The following CACNA1A variants were observed in gnomAD, a reference collection of about 807,000 sequenced individuals.
The protein encoded by CACNA1A is voltage-dependent P/Q-type calcium channel subunit alpha-1A.
CACNA1A carries 57 observed loss-of-function variants against 262.4 expected under a neutral mutation model. That is an observed-to-expected ratio of 0.22 (90% CI 0.18 to 0.27). The LOEUF is 0.27. CACNA1A is among the 10% of genes least tolerant of loss of function. The probability of loss-of-function intolerance (pLI) is 1.00; values close to 1 mark genes in which losing one functional copy is unlikely to be tolerated. For synonymous variants in CACNA1A, 1,431 were observed against 1,419.3 expected (o/e 1.01, Z -0.18); for missense variants, 2,526 against 3,562.8 (o/e 0.71, Z 7.41).
At chr19:13,355,785 T>C (rs2058997989) in intron 6 of CACNA1A, among the ~76,000 whole-genome samples, 1 of 152,122 alleles carries the variant, frequency 6.6e-6, no homozygotes, top group Admixed American at 6.5e-5. Flanking sequence ...CTTACTGACA[T>C]TTGGGCCTGG....
chr19:13,395,702 C>G (rs1298632537), intron 3 of CACNA1A, among the ~76,000 whole-genome samples: 1 of 152,154 alleles, frequency 6.6e-6, no homozygotes, highest in East Asian at 1.9e-4. Flanking sequence ...GGTCCTGCCC[C>G]ATACCCAGAA....
At chr19:13,335,217 T>C (rs2058542890) in intron 7 of CACNA1A, among the ~76,000 whole-genome samples, 1 of 152,198 alleles carries the variant, frequency 6.6e-6, no homozygotes, top group South Asian at 2.1e-4. Context: ...TTCTCTGCCA[T>C]AGGTCCCACC....
rs184061450 is a variant in CACNA1A, at chr19:13,393,190, G to A, written c.540-21411C>T. Among the ~76,000 whole-genome samples the A allele has an allele frequency of 4.1e-4, 62 of 152,300 alleles. 2 individuals are homozygous for A. The East Asian group carries it at 6.6e-3, about 16-fold the overall frequency. ...GTCACCCACAGACATATCTGAGTGT[G>A]TTCAAAGTAGCTTTCTCTGGAATAG... On this transcript the variant is annotated intron_variant, in intron 3 of 46. Coordinates refer to ENST00000360228, the MANE Select transcript of CACNA1A (RefSeq NM_001127222.2).
At chr19:13,270,706 C>A (rs2144809188) in intron 24 of CACNA1A, among the ~76,000 whole-genome samples, 1 of 152,228 alleles carries the variant, frequency 6.6e-6, no homozygotes, top group Admixed American at 6.5e-5. Flanking sequence ...TGCAGCCCTG[C>A]CCTGGGGGAG....
At chr19:13,283,151 C>A in intron 22 of CACNA1A, 116 bp downstream of exon 22, 1 of 1,257,268 alleles carries the variant, frequency 8.0e-7, no homozygotes, top group Non-Finnish European at 1.1e-6. Flanking sequence ...GCCATAAGGG[C>A]TATGCCTAGG....
At chr19:13,346,083 T>C (rs1420823299) in intron 6 of CACNA1A, among the ~76,000 whole-genome samples, 2 of 152,108 alleles carry the variant, frequency 1.3e-5, no homozygotes, top group East Asian at 1.9e-4. Flanking sequence ...TTGTATTTTT[T>C]AGTAGAGACG....
intron 3 of CACNA1A, among the ~76,000 whole-genome samples, chr19:13,441,437 C>T (rs117302011): frequency 6.6e-6 from 1 of 151,850 alleles, no homozygotes; most frequent in East Asian, 1.9e-4. Context: ...GAGGCCAAGG[C>T]GAGTGGATCA....
rs774078430 is a variant in CACNA1A at position 13,208,807 on chromosome 19, C to G, written c.6729G>C (p.Gln2243His). 5 of 1,535,332 alleles carry G rather than the reference C, an allele frequency of 3.3e-6. No individual in the cohort carries two copies. Among genetic ancestry groups the G allele is most frequent in the South Asian group, 1.2e-5 (1 of 85,202 alleles). ...PDHGRARARD[Q>H]RWSRSPSEGR... ...CCTCGCTGGGCGAGCGGGACCAGCG[C>G]TGGTCCCGAGCCCGTGCCCGGCCGT... The change falls in exon 46 of 47, where the codon CAG becomes CAC. Residue 2243 changes from glutamine to histidine, a missense_variant. Gln to His is a conservative substitution (Grantham distance 24). This residue lies in a region of CACNA1A where 929 missense variants were observed against 868.1 expected (regional missense o/e 1.07). Transcript: ENST00000360228.
chr19:13,227,248 T>C (rs892556393), intron 37 of CACNA1A, 183 bp downstream of exon 37: 9 of 379,726 alleles, frequency 2.4e-5, no homozygotes, highest in African/African-American at 1.7e-4. Flanking sequence ...CTGCTTAGAA[T>C]CAAGGGATGG....
intron 19 of CACNA1A, among the ~76,000 whole-genome samples, chr19:13,292,080 A>G (rs1167860573): frequency 6.6e-6 from 1 of 152,180 alleles, no homozygotes; most frequent in Non-Finnish European, 1.5e-5. Flanking sequence ...CCTGGTTGCA[A>G]GGGAGAGGCA....
At chr19:13,361,957 T>A (rs985908271) in intron 5 of CACNA1A, 6 of 151,868 alleles carry the variant, frequency 4.0e-5, no homozygotes, top group Non-Finnish European at 5.9e-5. Flanking sequence ...CCTCTTTGTG[T>A]AGCCCAGTTA....
At chr19:13,276,637 G>C (rs1171539854) in intron 23 of CACNA1A, among the ~76,000 whole-genome samples, 1 of 151,510 alleles carries the variant, frequency 6.6e-6, no homozygotes, top group Admixed American at 6.6e-5. Context: ...AATCCTCTGG[G>C]AGACTCATCC....
chr19:13,213,246 C>T (rs1049615687), intron 40 of CACNA1A, among the ~76,000 whole-genome samples: 1 of 152,214 alleles, frequency 6.6e-6, no homozygotes, highest in Non-Finnish European at 1.5e-5. Flanking sequence ...GGTCCAGCCT[C>T]AGAGCCTTTG....
At chr19:13,355,066 G>A (rs1028766041) in intron 6 of CACNA1A, among the ~76,000 whole-genome samples, 6 of 152,122 alleles carry the variant, frequency 3.9e-5, no homozygotes, top group Non-Finnish European at 8.8e-5. Flanking sequence ...AGTAGAGATG[G>A]GGTTTCACCA....
At chr19:13,404,096 T>C (rs2059958367) in intron 3 of CACNA1A, among the ~76,000 whole-genome samples, 1 of 151,994 alleles carries the variant, frequency 6.6e-6, no homozygotes, top group Non-Finnish European at 1.5e-5. Context: ...AATGGGTTGT[T>C]GGGAGGATAA....
chr19:13,478,650 T>C (rs1456066459), intron 1 of CACNA1A, among the ~76,000 whole-genome samples: 1 of 152,136 alleles, frequency 6.6e-6, no homozygotes, highest in Non-Finnish European at 1.5e-5. Context: ...AAGTGAAGAA[T>C]TGGGCAAAGG....
chr19:13,208,007 G>T lies in CACNA1A; in HGVS notation c.6827C>A (p.Thr2276Asn). Residue 2276 changes from threonine (T) to asparagine (N), a missense_variant, in exon 47 of 47, where the codon ACC (threonine) becomes AAC (asparagine). By Grantham distance (65) the Thr-to-Asn change is moderately conservative. Coordinates refer to ENST00000360228, the MANE Select transcript of CACNA1A (RefSeq NM_001127222.2). Reference sequence around the variant, plus strand: ...GCGGCGGCCCCGCCGCGGAGTGCTGGTACCAGATGTTGAGGGGGCTGGGCT... The same window carrying T: ...GCGGCGGCCCCGCCGCGGAGTGCTGTTACCAGATGTTGAGGGGGCTGGGCT... ...SGSPAPSTSG[T>N]STPRRGRRQL... 1.5e-6 allele frequency: 2 copies of T among 1,322,822 alleles called. No individual in the cohort carries two copies. Among genetic ancestry groups the T allele is most frequent in the Non-Finnish European group, 9.6e-7 (1 of 1,041,150 alleles). The allele number at this position is 1,322,822 out of a possible 1,614,324, so 81.9% of individuals were successfully genotyped here.
intron 30 of CACNA1A, among the ~76,000 whole-genome samples, chr19:13,250,521 C>T (rs927677037): frequency 9.9e-5 from 15 of 152,092 alleles, no homozygotes; most frequent in African/African-American, 2.2e-4. Context: ...CTCAGCCTCC[C>T]GAGTAGCTGA....
In CACNA1A at chr19:13,268,238, C is replaced by A. The variant is rs895144925; in HGVS notation, c.3990-5405G>T. Among the ~76,000 whole-genome samples the A allele has an allele frequency of 3.3e-5, 5 of 152,082 alleles. No homozygotes were observed. In the East Asian group the frequency reaches 5.8e-4, roughly 18 times the overall value. ...CTGAAGCCCTCTGAGCAAATGCGGG[C>A]CTGGGGAAAGCTATCAGCACCTAGC... On this transcript the variant is annotated intron_variant, in intron 24 of 46. Transcript: ENST00000360228.
Sources: allele counts gnomAD v4.1 joint callset (sites outside exome capture counted in the v4.1 genomes callset), GRCh38; gene constraint gnomAD v4.1.1; regional missense constraint gnomAD v4.1.1; transcripts MANE v1.5; gene names NCBI Gene and HGNC (gene_info 2026-07-23, HGNC 2026-07-21).